Variants in GSN observed in about 807,000 individuals in gnomAD.
GSN encodes the protein actin-depolymerizing factor.
A neutral mutation model predicts 85.7 loss-of-function variants in GSN; 56 were observed. The observed-to-expected ratio is 0.65, with a 90% CI of 0.53 to 0.82. The LOEUF (loss-of-function observed/expected upper bound fraction) is 0.82. GSN is among the 40% of genes least tolerant of loss of function. The pLI is 0.00. For missense variants in GSN, 857 were observed against 979.8 expected, an observed-to-expected ratio of 0.87 and a Z score of 1.67; for synonymous variants, 373 against 399.1, an observed-to-expected ratio of 0.93 and a Z score of 0.78.
intron 4 of GSN, among the ~76,000 whole-genome samples, chr9:121,213,995 G>A (rs1447553499): frequency 6.6e-6 from 1 of 152,186 alleles, no homozygotes; most frequent in African/African-American, 2.4e-5. Flanking sequence ...TCCAGCTTCA[G>A]CAATTACTTG....
rs2053925582 is a variant in GSN at position 121,208,918 on chromosome 9, C to T, written c.-807-378C>T. ...GAGGCCACCAAGGTGAGGACAGGGA[C>T]CATCAGTGGACCATGAAATCTTTCC... On this transcript the variant is annotated intron_variant, in intron 1 of 24. Transcript: ENST00000373823. Among the ~76,000 whole-genome samples the T allele has an allele frequency of 2.6e-5, 4 of 152,358 alleles. No individual in the cohort carries two copies. The South Asian group carries it at 8.3e-4, about 32-fold the overall frequency.
chr9:121,315,764 A>AAAT (rs1369406437), intron 7 of GSN, among the ~76,000 whole-genome samples: 2 of 152,150 alleles, frequency 1.3e-5, no homozygotes, highest in Non-Finnish European at 2.9e-5. Context: ...TCCGTCTCAA[A>AAAT]AATAATAATA....
intron 6 of GSN, chr9:121,313,722 G>C (rs914799067): frequency 1.6e-6 from 1 of 612,526 alleles, no homozygotes; most frequent in Non-Finnish European, 2.9e-6. Flanking sequence ...TGTTCTCCTG[G>C]AGTTTCTGAG....
chr9:121,201,501 A>G, the GSN span: 1 of 152,330 alleles, frequency 6.6e-6, no homozygotes, highest in Non-Finnish European at 1.5e-5. Context: ...CCCACGGGCT[A>G]GCCACGGCCT....
upstream of GSN, among the ~76,000 whole-genome samples, chr9:121,264,867 C>T (rs1206634028): frequency 6.6e-6 from 1 of 152,212 alleles, no homozygotes; most frequent in Non-Finnish European, 1.5e-5. Context: ...GGCATCTGAT[C>T]CAACTTAGAA....
At position 121,317,123 on chromosome 9, in the gene GSN, T is replaced by A; in HGVS notation, c.791T>A (p.Val264Glu). 6.2e-7 allele frequency: 1 copy of A among 1,614,198 alleles called. No homozygotes were observed. Among genetic ancestry groups the A allele is most frequent in the Non-Finnish European group, 8.5e-7 (1 of 1,180,022 alleles). ...NGAGTMSVSL[V>E]ADENPFAQGA... ...GCAGGGACCATGTCCGTCTCCCTCG[T>A]GGCTGATGAGAACCCCTTCGCCCAG... The change falls in exon 8 of 18, where the codon GTG (valine) becomes GAG (glutamate). Residue 264 changes from valine (V) to glutamate (E), a missense_variant. By Grantham distance (121) the Val-to-Glu change is moderately radical. Coordinates refer to ENST00000432226, the MANE Select transcript of GSN (RefSeq NM_198252.3).
chr9:121,230,566 G>C, intron 4 of GSN, among the ~76,000 whole-genome samples: 1 of 152,160 alleles, frequency 6.6e-6, no homozygotes. Flanking sequence ...GAAGAACCAA[G>C]GTCTCCTTTA....
At chr9:121,207,037 C>T (rs1196756799), upstream of GSN, among the ~76,000 whole-genome samples, 1 of 152,180 alleles carries the variant, frequency 6.6e-6, no homozygotes, top group Non-Finnish European at 1.5e-5. Flanking sequence ...TGCACTTATT[C>T]AGAAAAAGGG....
intron 5 of GSN, among the ~76,000 whole-genome samples, chr9:121,234,910 G>T (rs2054463622): frequency 6.6e-6 from 1 of 152,166 alleles, no homozygotes; most frequent in South Asian, 2.1e-4. Flanking sequence ...GAACAATTTG[G>T]CTGTTCCAGA....
chr9:121,251,187 C>CTTTTTTTTTTTTT (rs58231680), intron 6 of GSN, among the ~76,000 whole-genome samples: 11,434 of 72,372 alleles, frequency 0.16, 3,289 homozygotes, highest in African/African-American at 0.34. Flanking sequence ...CTGATGTGTT[C>CTTTTTTTTTTTTT]TTTTTTTTTT....
intron 16 of GSN, 90 bp from the exon 17 acceptor site, chr9:121,331,298 G>A (rs2063857423): frequency 1.3e-6 from 1 of 785,060 alleles, no homozygotes; most frequent in Admixed American, 2.0e-5. Context: ...GCTTTGTCTG[G>A]TCTGATACCT....
chr9:121,322,997 G>A (rs1482942844), intron 11 of GSN, among the ~76,000 whole-genome samples: 2 of 151,624 alleles, frequency 1.3e-5, no homozygotes, highest in Non-Finnish European at 2.9e-5. Context: ...CACCACACCC[G>A]GCTACTTTTT....
chr9:121,319,781 G>A (rs1039834403), intron 10 of GSN, among the ~76,000 whole-genome samples: 2 of 152,182 alleles, frequency 1.3e-5, no homozygotes, highest in Non-Finnish European at 2.9e-5. Context: ...CTTATAAGGA[G>A]CTTGTTCTAA....
chr9:121,217,798 GTATTATTATTATTATTAT>G (rs202182690), intron 4 of GSN, among the ~76,000 whole-genome samples: 1 of 143,380 alleles, frequency 7.0e-6, no homozygotes, highest in Admixed American at 7.0e-5. Flanking sequence ...ATATAGAAAT[GTATTATTATTATTATTAT>G]TATTATTATT....
intron 1 of GSN, among the ~76,000 whole-genome samples, chr9:121,272,415 C>T (rs2056109063): frequency 6.6e-6 from 1 of 152,174 alleles, no homozygotes; most frequent in South Asian, 2.1e-4. Flanking sequence ...CCATTCTGCA[C>T]TGTAGGGTGG....
At chr9:121,217,830 AT>A (rs2054095948) in intron 4 of GSN, among the ~76,000 whole-genome samples, 1 of 148,562 alleles carries the variant, frequency 6.7e-6, no homozygotes, top group African/African-American at 2.5e-5. Flanking sequence ...TATTATTATT[AT>A]TATTATAACC....
At chr9:121,314,288 A>G (rs1470092329) in intron 7 of GSN, among the ~76,000 whole-genome samples, 1 of 152,262 alleles carries the variant, frequency 6.6e-6, no homozygotes, top group African/African-American at 2.4e-5. Context: ...TAAAGTGGGA[A>G]GAAGAGCAGA....
At chr9:121,317,851 G>A (rs1291427494) in intron 8 of GSN, 1 of 190,114 alleles carries the variant, frequency 5.3e-6, no homozygotes, top group Admixed American at 5.3e-5. Context: ...AGACGGTGGG[G>A]AGAAAGAGAG....
intron 5 of GSN, among the ~76,000 whole-genome samples, chr9:121,245,250 A>G (rs538614492): frequency 1.0e-3 from 157 of 152,368 alleles, no homozygotes; most frequent in Non-Finnish European, 1.8e-3. Flanking sequence ...GATATTTGGC[A>G]TAGTTGATAG....
Sources: allele counts gnomAD v4.1 joint callset (sites outside exome capture counted in the v4.1 genomes callset), GRCh38; gene constraint gnomAD v4.1.1; transcripts MANE v1.5; gene names NCBI Gene and HGNC (gene_info 2026-07-23, HGNC 2026-07-21).